The following CNTNAP5 variants were observed in gnomAD, a reference collection of about 807,000 sequenced individuals.
The protein encoded by CNTNAP5 is contactin associated protein family member 5, also known as contactin-associated protein-like 5.
A neutral mutation model predicts 150.2 loss-of-function variants in CNTNAP5; 72 were observed. The observed-to-expected ratio is 0.48, with a 90% CI of 0.40 to 0.58. The LOEUF (loss-of-function observed/expected upper bound fraction) is 0.58, where lower values mean the gene tolerates loss of function less well. Ranked by LOEUF, CNTNAP5 falls within the 20% of genes least tolerant of loss-of-function variation. The pLI is 0.00. For missense variants in CNTNAP5, 1,636 were observed against 1,626.2 expected, an observed-to-expected ratio of 1.01 and a Z score of -0.10; for synonymous variants, 672 against 619.8, an observed-to-expected ratio of 1.08 and a Z score of -1.25.
chr2:124,137,830 G>A (rs559910040), intron 1 of CNTNAP5, among the ~76,000 whole-genome samples: 6 of 152,126 alleles, frequency 3.9e-5, no homozygotes, highest in South Asian at 4.2e-4. Context: ...AGAGGGCCAT[G>A]AGCCTAGAGA....
At chr2:124,117,336 T>C (rs550369949) in intron 1 of CNTNAP5, among the ~76,000 whole-genome samples, 1 of 152,300 alleles carries the variant, frequency 6.6e-6, no homozygotes, top group African/African-American at 2.4e-5. Flanking sequence ...ACTTGTCTCT[T>C]ACTTGTCTCA....
intron 1 of CNTNAP5, among the ~76,000 whole-genome samples, chr2:124,164,219 T>A (rs1684755662): frequency 6.6e-6 from 1 of 152,212 alleles, no homozygotes; most frequent in Admixed American, 6.5e-5. Context: ...CCTGCCTTCA[T>A]GGAACTTACA....
intron 6 of CNTNAP5, among the ~76,000 whole-genome samples, chr2:124,458,649 G>C (rs1446585228): frequency 6.6e-6 from 1 of 151,866 alleles, no homozygotes; most frequent in Non-Finnish European, 1.5e-5. Flanking sequence ...AACACCACCT[G>C]TTCCCCAATA....
At position 124,278,283 on chromosome 2, in the gene CNTNAP5, A is replaced by T. The variant is rs1036187240; in HGVS notation, c.381+35890A>T. Reference sequence around the variant, plus strand: ...TCATTTAATTAATTTCTACCAAAAGAATAACAAATTAACTTGAAGATAAAA... The same window carrying T: ...TCATTTAATTAATTTCTACCAAAAGTATAACAAATTAACTTGAAGATAAAA... On this transcript the variant is annotated intron_variant, in intron 3 of 23. Transcript: ENST00000682447. 5.9e-5 allele frequency among the ~76,000 whole-genome samples: 9 copies of T among 152,300 alleles called. No homozygotes were observed. The East Asian group carries it at 1.5e-3, about 26-fold the overall frequency.
chr2:124,265,312 C>T (rs1342683248), intron 3 of CNTNAP5, among the ~76,000 whole-genome samples: 1 of 152,110 alleles, frequency 6.6e-6, no homozygotes, highest in Non-Finnish European at 1.5e-5. Flanking sequence ...TCAATTTCAC[C>T]TTCTGCCGCC....
chr2:124,521,404 C>T (rs1286814928), intron 8 of CNTNAP5, among the ~76,000 whole-genome samples: 1 of 152,126 alleles, frequency 6.6e-6, no homozygotes, highest in East Asian at 1.9e-4. Flanking sequence ...AAAAAGAAAA[C>T]CACCAACCAA....
chr2:124,905,213 A>G (rs1678510919), intron 22 of CNTNAP5, among the ~76,000 whole-genome samples: 1 of 151,422 alleles, frequency 6.6e-6, no homozygotes, highest in South Asian at 2.1e-4. Flanking sequence ...GGGAAATGCA[A>G]ACCAAAACCA....
At position 124,504,378 on chromosome 2, in the gene CNTNAP5, C is replaced by T; in HGVS notation, c.1149C>T (p.Gly383=). 3 of 1,613,974 alleles carry T rather than the reference C, an allele frequency of 1.9e-6. No homozygotes were observed. Among genetic ancestry groups the T allele is most frequent in the Non-Finnish European group, 2.5e-6 (3 of 1,179,880 alleles). ...GCGGCAGCTATTTGCTGCTGCCCGGCACCCCCCAAATTGATGGGCTCTCAG... is the reference window on the plus strand; with the variant it reads ...GCGGCAGCTATTTGCTGCTGCCCGGTACCCCCCAAATTGATGGGCTCTCAG... The part of the protein sequence containing the change: ...NSSGSYLLLP[G]TPQIDGLSVS... Residue 383 remains glycine, a synonymous_variant, in exon 8 of 24, where the codon GGC becomes GGT. Transcript: ENST00000682447.
At chr2:124,533,518 T>A (rs924063461) in intron 10 of CNTNAP5, among the ~76,000 whole-genome samples, 10 of 152,162 alleles carry the variant, frequency 6.6e-5, no homozygotes, top group African/African-American at 2.4e-4. Context: ...AAAGCTGATG[T>A]GGGTGTGGAG....
chr2:124,533,434 C>A (rs1051562091), intron 10 of CNTNAP5, among the ~76,000 whole-genome samples: 4 of 152,116 alleles, frequency 2.6e-5, no homozygotes, highest in African/African-American at 9.7e-5. Flanking sequence ...ACTGGGCTGG[C>A]CTGGTGGCCG....
intron 13 of CNTNAP5, among the ~76,000 whole-genome samples, chr2:124,660,473 T>G (rs2105044188): frequency 6.6e-6 from 1 of 152,324 alleles, no homozygotes; most frequent in South Asian, 2.1e-4. Context: ...TAAAATTTTC[T>G]AATAGCCCCA....
chr2:124,025,857 G>A (rs759270993), intron 1 of CNTNAP5, 125 bp downstream of exon 1: 4 of 822,832 alleles, frequency 4.9e-6, no homozygotes, highest in Non-Finnish European at 8.2e-6. Flanking sequence ...AAAAAATGCT[G>A]ATCAGTGTGG....
At chr2:124,830,530 C>G (rs527438392) in intron 19 of CNTNAP5, among the ~76,000 whole-genome samples, 1 of 151,842 alleles carries the variant, frequency 6.6e-6, no homozygotes, top group Non-Finnish European at 1.5e-5. Context: ...AGGAAGAGTG[C>G]GTCCAGGGTC....
intron 3 of CNTNAP5, among the ~76,000 whole-genome samples, chr2:124,404,523 A>G (rs1407316874): frequency 6.6e-6 from 1 of 152,216 alleles, no homozygotes; most frequent in Non-Finnish European, 1.5e-5. Context: ...AAGGAAGAGC[A>G]TCAGCACCTT....
chr2:124,696,177 C>T lies in CNTNAP5; in HGVS notation c.2077+48219C>T, dbSNP rs1186111318. Among the ~76,000 whole-genome samples the T allele has an allele frequency of 2.6e-5, 4 of 152,190 alleles. No homozygotes were observed. The East Asian group carries it at 7.7e-4, about 29-fold the overall frequency. On this transcript the variant is annotated intron_variant, in intron 13 of 23. Coordinates refer to ENST00000682447, the MANE Select transcript of CNTNAP5 (RefSeq NM_001367498.1). ...CAGACAATGATGGCTGGAATGATTCCTATTAAAAGTGAAGAAATGTTACTG... is the reference window on the plus strand; with the variant it reads ...CAGACAATGATGGCTGGAATGATTCTTATTAAAAGTGAAGAAATGTTACTG...
chr2:124,256,106 T>C (rs540346665), intron 3 of CNTNAP5, among the ~76,000 whole-genome samples: 4 of 152,278 alleles, frequency 2.6e-5, no homozygotes, highest in African/African-American at 7.2e-5. Flanking sequence ...TCTTATGCGT[T>C]TGCTCAGGAA....
At chr2:124,760,798 T>C (rs1037445370) in intron 14 of CNTNAP5, among the ~76,000 whole-genome samples, 3 of 152,174 alleles carry the variant, frequency 2.0e-5, no homozygotes, top group Non-Finnish European at 4.4e-5. Context: ...TCCATAAGTA[T>C]GTATTGAGTT....
chr2:124,045,555 C>T lies in CNTNAP5; in HGVS notation c.82+19823C>T, dbSNP rs78141243. On this transcript the variant is annotated intron_variant, in intron 1 of 23. Transcript: ENST00000682447. Reference sequence around the variant, plus strand: ...TCAAAGATCCACCCGACTTGGCCTCCCAAAGTGCCACCGCACCAGGCCTGG... The same window carrying T: ...TCAAAGATCCACCCGACTTGGCCTCTCAAAGTGCCACCGCACCAGGCCTGG... Among the ~76,000 whole-genome samples, 709 of 151,974 alleles carry T rather than the reference C, an allele frequency of 4.7e-3. 8 individuals carry two copies. Among genetic ancestry groups the T allele is most frequent in the African/African-American group, 0.016 (683 of 41,448 alleles).
chr2:124,643,181 C>A (rs1462327928), intron 12 of CNTNAP5, among the ~76,000 whole-genome samples: 1 of 152,190 alleles, frequency 6.6e-6, no homozygotes, highest in Non-Finnish European at 1.5e-5. Context: ...CAGGTTCCTG[C>A]CTATTCAAAA....
Sources: allele counts gnomAD v4.1 joint callset (sites outside exome capture counted in the v4.1 genomes callset), GRCh38; gene constraint gnomAD v4.1.1; transcripts MANE v1.5; gene names NCBI Gene and HGNC (gene_info 2026-07-23, HGNC 2026-07-21).